The following ADHFE1 variants were observed in gnomAD, a reference collection of about 807,000 sequenced individuals.
ADHFE1 encodes the protein hydroxyacid-oxoacid transhydrogenase, mitochondrial.
A neutral mutation model predicts 54.8 loss-of-function variants in ADHFE1; 37 were observed. The observed-to-expected ratio is 0.68, with a 90% CI of 0.52 to 0.89. The LOEUF (loss-of-function observed/expected upper bound fraction) is 0.89, where lower values mean the gene tolerates loss of function less well. Ranked by LOEUF, ADHFE1 falls within the 40% of genes least tolerant of loss-of-function variation. The pLI is 0.00. For missense variants in ADHFE1, 601 were observed against 591.2 expected, an observed-to-expected ratio of 1.02 and a Z score of -0.17; for synonymous variants, 203 against 229.3, an observed-to-expected ratio of 0.89 and a Z score of 1.04.
intron 13 of ADHFE1, among the ~76,000 whole-genome samples, chr8:66,466,072 CT>C (rs1807164660): frequency 7.3e-6 from 1 of 136,556 alleles, no homozygotes. Flanking sequence ...TGTGCTTTTT[CT>C]TTTTTTTCTT....
intron 3 of ADHFE1, 142 bp from the exon 4 acceptor site, chr8:66,444,225 C>A (rs968633666): frequency 7.2e-6 from 5 of 696,272 alleles, no homozygotes; most frequent in Non-Finnish European, 9.8e-6. Flanking sequence ...TTAAGTGAGA[C>A]CAGGTGGGAG....
At chr8:66,432,932 C>T in intron 1 of ADHFE1, 1 of 1,057,728 alleles carries the variant, frequency 9.5e-7, no homozygotes, top group South Asian at 4.6e-5. Flanking sequence ...ATATTATGTG[C>T]CAAAAACTAT....
chr8:66,443,264 A>ATTTTTTTTTT (rs540464621), intron 3 of ADHFE1, among the ~76,000 whole-genome samples: 959 of 85,968 alleles, frequency 0.011, 135 homozygotes, highest in African/African-American at 0.024. Flanking sequence ...TAGTCCAGGA[A>ATTTTTTTTTT]TTTTTTTTTT....
intron 2 of ADHFE1, among the ~76,000 whole-genome samples, chr8:66,442,570 C>T (rs1371035539): frequency 6.6e-6 from 1 of 152,148 alleles, no homozygotes; most frequent in African/African-American, 2.4e-5. Context: ...CTCAGCCTCC[C>T]AAAGTGCTGG....
intron 3 of ADHFE1, among the ~76,000 whole-genome samples, chr8:66,444,060 C>T (rs1042372859): frequency 2.0e-5 from 3 of 152,042 alleles, no homozygotes; most frequent in Non-Finnish European, 2.9e-5. Context: ...GAAAGTAAGA[C>T]ATTTGAGAGT....
Position 66,444,425 on chromosome 8 carries a change from G to A in ADHFE1, c.198+5G>A, listed in dbSNP as rs1805922009. 6.2e-7 allele frequency: 1 copy of A among 1,613,958 alleles called. No homozygotes were observed. Among genetic ancestry groups the A allele is most frequent in the South Asian group, 1.1e-5 (1 of 91,070 alleles). On this transcript the variant is annotated splice_donor_5th_base_variant and intron_variant, in intron 4 of 13. Coordinates refer to ENST00000396623, the MANE Select transcript of ADHFE1 (RefSeq NM_144650.3). ...GTTACAAAGGAAGTAGGAATGGCAA[G>A]TATTCGAGATGTCTACGGTCTCCTA...
chr8:66,442,995 C>T, intron 3 of ADHFE1, 151 bp downstream of exon 3: 1 of 707,680 alleles, frequency 1.4e-6, no homozygotes, highest in East Asian at 2.9e-5. Context: ...TAGCAAAGTA[C>T]CTGGTTGGTA....
Position 66,439,653 on chromosome 8 carries a change from C to G in ADHFE1, c.60-509C>G. The G allele has an allele frequency of 1.0e-6, 1 of 985,840 alleles. No individual in the cohort carries two copies. Among genetic ancestry groups the G allele is most frequent in the South Asian group, 4.7e-5 (1 of 21,306 alleles). 61.1% of individuals were successfully genotyped at this position (985,840 alleles called of 1,614,324 possible). On this transcript the variant is annotated intron_variant, in intron 1 of 13. Transcript: ENST00000396623. The surrounding 1 kb of genome is among the most constrained non-coding windows in gnomAD (Gnocchi z 4.4). ...ATGGGGACCAGGGAGGTCTTTGGGT[C>G]CAGGAAGTTCTCCTGGAGGCTCAGG... is the stretch of plus-strand genomic sequence containing the variant.
intron 3 of ADHFE1, 68 bp from the exon 4 acceptor site, chr8:66,444,299 A>G: frequency 9.7e-6 from 14 of 1,447,546 alleles, no homozygotes; most frequent in Non-Finnish European, 1.3e-5. Context: ...AAACCATTTC[A>G]GGTTTTTAGA....
chr8:66,445,320 T>G lies in ADHFE1; in HGVS notation c.456T>G (p.Tyr152Ter). ...TMDTCKAANL[Y>*]ASSPHSDFLD... ...ACACCTGTAAGGCTGCTAATCTGTATGCATCCAGCCCTCATTCTGATTTCC... is the reference window on the plus strand; with the variant it reads ...ACACCTGTAAGGCTGCTAATCTGTAGGCATCCAGCCCTCATTCTGATTTCC... Residue 152 changes from tyrosine to a stop codon, truncating the protein, a stop_gained, in exon 6 of 14, where the codon TAT (tyrosine) becomes TAG (stop). Coordinates refer to ENST00000396623, the MANE Select transcript of ADHFE1 (RefSeq NM_144650.3). LOFTEE classifies it high-confidence loss of function. 6.2e-7 allele frequency: 1 copy of G among 1,614,156 alleles called. No homozygotes were observed. The highest frequency in any genetic ancestry group is 8.5e-7 in the Non-Finnish European group (1 of 1,180,032).
intron 6 of ADHFE1, among the ~76,000 whole-genome samples, chr8:66,445,974 T>G (rs1229628585): frequency 1.3e-5 from 2 of 152,226 alleles, no homozygotes; most frequent in Non-Finnish European, 2.9e-5. Flanking sequence ...ACAGGGGACC[T>G]TGAGATTTTC....
Position 66,439,849 on chromosome 8 carries a change from C to A in ADHFE1, c.60-313C>A, listed in dbSNP as rs1586438648. On this transcript the variant is annotated intron_variant, in intron 1 of 13. Coordinates refer to ENST00000396623, the MANE Select transcript of ADHFE1 (RefSeq NM_144650.3). This position sits in a 1 kb window ranked among gnomAD's most constrained non-coding sequence, Gnocchi z 4.4. Reference sequence around the variant, plus strand: ...GCTGGGGCTTCATGGAGACCAGAGACCCCCATCTTAAACTTGCATGTACCC... The same window carrying A: ...GCTGGGGCTTCATGGAGACCAGAGAACCCCATCTTAAACTTGCATGTACCC... The A allele has an allele frequency of 2.0e-6, 2 of 1,002,930 alleles. No individual in the cohort carries two copies. Among genetic ancestry groups the A allele is most frequent in the Non-Finnish European group, 2.5e-6 (2 of 789,820 alleles). The allele number at this position is 1,002,930 out of a possible 1,614,324, so 62.1% of individuals were successfully genotyped here.
intron 7 of ADHFE1, among the ~76,000 whole-genome samples, chr8:66,448,247 G>A (rs1255531759): frequency 6.6e-6 from 1 of 152,146 alleles, no homozygotes; most frequent in Non-Finnish European, 1.5e-5. Context: ...CACACTTTTA[G>A]TAACTTTTCT....
Position 66,444,861 on chromosome 8 carries a change from G to A in ADHFE1, c.353+113G>A, listed in dbSNP as rs575109506. On this transcript the variant is annotated intron_variant, in intron 5 of 13. Transcript: ENST00000396623. ...CACGCCTGTAATCCCAGCACTTTGGGAGGCTGAGGCAGGCAGATTGCTTGA... is the reference window on the plus strand; with the variant it reads ...CACGCCTGTAATCCCAGCACTTTGGAAGGCTGAGGCAGGCAGATTGCTTGA... The A allele has an allele frequency of 1.1e-5, 15 of 1,313,740 alleles. No homozygotes were observed. The East Asian group carries it at 1.4e-4, about 12-fold the overall frequency. The allele number at this position is 1,313,740 out of a possible 1,614,324, so 81.4% of individuals were successfully genotyped here.
intron 1 of ADHFE1, among the ~76,000 whole-genome samples, chr8:66,436,064 C>T (rs1256039478): frequency 6.6e-6 from 1 of 151,754 alleles, no homozygotes; most frequent in Non-Finnish European, 1.5e-5. Flanking sequence ...TACAGGCACA[C>T]ACCACCACAC....
At chr8:66,459,491 G>C (rs541144438) in intron 12 of ADHFE1, 1 of 147,990 alleles carries the variant, frequency 6.8e-6, no homozygotes, top group Admixed American at 6.8e-5. Flanking sequence ...TGACCTCCAG[G>C]ACTCAAGTGA....
intron 13 of ADHFE1, among the ~76,000 whole-genome samples, chr8:66,467,693 A>G (rs920853399): frequency 2.6e-5 from 4 of 152,142 alleles, no homozygotes; most frequent in African/African-American, 9.7e-5. Context: ...TATAAATAGA[A>G]GTAGGATGTG....
At chr8:66,442,137 A>G (rs2130370690) in intron 2 of ADHFE1, among the ~76,000 whole-genome samples, 1 of 152,278 alleles carries the variant, frequency 6.6e-6, no homozygotes, top group Non-Finnish European at 1.5e-5. Flanking sequence ...GCAAGCCTCT[A>G]ATTCATGAAC....
At chr8:66,460,992 T>A (rs951674598) in intron 13 of ADHFE1, among the ~76,000 whole-genome samples, 1 of 152,220 alleles carries the variant, frequency 6.6e-6, no homozygotes, top group Admixed American at 6.5e-5. Flanking sequence ...TGGGTCTGAT[T>A]TCATTTCTTA....
Sources: gnomAD v4.1 joint callset for allele counts (sites outside exome capture counted in the v4.1 genomes callset) on GRCh38, gnomAD v4.1.1 for gene constraint, Gnocchi (gnomAD v3.1) non-coding constraint, MANE v1.5 for transcripts, NCBI Gene and HGNC (gene_info 2026-07-23, HGNC 2026-07-21) for gene names.